The following WWOX variants were observed in gnomAD, a reference collection of about 807,000 sequenced individuals.
WWOX encodes the protein WW domain-containing oxidoreductase.
A neutral mutation model predicts 46.2 loss-of-function variants in WWOX; 69 were observed. That is an observed-to-expected ratio of 1.49 (90% CI 1.23 to 1.82). The LOEUF is 1.82. WWOX is among the 40% of genes most tolerant of loss of function. The probability of loss-of-function intolerance (pLI) is 0.00; values close to 1 mark genes in which losing one functional copy is unlikely to be tolerated. For missense variants in WWOX, 919 were observed against 542.6 expected, an observed-to-expected ratio of 1.69 and a Z score of -6.89; for synonymous variants, 359 against 202.6, an observed-to-expected ratio of 1.77 and a Z score of -6.56.
chr16:78,452,878 T>TATATATATATATATATATATATAC lies in WWOX; in HGVS notation c.1056+20129_1056+20130insTATATATATATATATATATACATA, dbSNP rs752791786. 6.0e-3 allele frequency among the ~76,000 whole-genome samples: 861 copies of TATATATATATATATATATATATAC among 142,914 alleles called. 10 individuals are homozygous for TATATATATATATATATATATATAC. The highest frequency in any genetic ancestry group is 0.012 in the African/African-American group (412 of 34,068). The allele number at this position is 142,914 out of a possible 152,430, so 93.8% of individuals were successfully genotyped here. On this transcript the variant is annotated intron_variant, in intron 8 of 8. Coordinates refer to ENST00000566780, the MANE Select transcript of WWOX (RefSeq NM_016373.4). ...TTCCAGTGAGCTATTTATATATATA[T>TATATATATATATATATATATATAC]ATACATATTTTTGAGAGGGAATCTT...
At chr16:78,212,134 C>T (rs547595776) in intron 5 of WWOX, among the ~76,000 whole-genome samples, 10 of 152,294 alleles carry the variant, frequency 6.6e-5, no homozygotes, top group African/African-American at 2.2e-4. Flanking sequence ...AGCCTCATTC[C>T]AGAGGCTAGC....
At chr16:78,466,232 C>T (rs542282203) in intron 8 of WWOX, among the ~76,000 whole-genome samples, 9 of 151,944 alleles carry the variant, frequency 5.9e-5, no homozygotes, top group Admixed American at 1.3e-4. Flanking sequence ...GGGGTTTCAT[C>T]GTGTTACCCA....
At chr16:78,594,735 C>T (rs2045444723) in intron 8 of WWOX, among the ~76,000 whole-genome samples, 1 of 152,066 alleles carries the variant, frequency 6.6e-6, no homozygotes, top group African/African-American at 2.4e-5. Context: ...CATAGGCTAC[C>T]TCCAACTTGA....
At chr16:78,883,444 C>G (rs1280997662) in intron 8 of WWOX, among the ~76,000 whole-genome samples, 1 of 152,172 alleles carries the variant, frequency 6.6e-6, no homozygotes, top group Non-Finnish European at 1.5e-5. Context: ...ATACCATGGG[C>G]TGGGCATGGT....
chr16:78,324,239 T>G (rs139626179), intron 5 of WWOX, among the ~76,000 whole-genome samples: 1 of 152,226 alleles, frequency 6.6e-6, no homozygotes, highest in Non-Finnish European at 1.5e-5. Flanking sequence ...TTCCCTGGTC[T>G]TAGATACTGC....
chr16:78,488,581 G>A (rs943236749), intron 8 of WWOX, among the ~76,000 whole-genome samples: 8 of 152,272 alleles, frequency 5.3e-5, no homozygotes, highest in East Asian at 3.9e-4. Flanking sequence ...GGGTCCTCAG[G>A]TAGCTGACCC....
intron 8 of WWOX, among the ~76,000 whole-genome samples, chr16:78,621,592 C>CTTTTCTTTTTTTTTTTTTTTTTTTTT (rs2046184654): frequency 6.3e-5 from 2 of 31,512 alleles, no homozygotes; most frequent in Non-Finnish European, 1.2e-4. Flanking sequence ...TTGTTCTAAT[C>CTTTTCTTTTTTTTTTTTTTTTTTTTT]TTTTTTTTTT....
rs1224773796 is a variant in WWOX at position 78,575,095 on chromosome 16, A to T, written c.1056+142343A>T. 1.4e-3 allele frequency among the ~76,000 whole-genome samples: 83 copies of T among 61,152 alleles called. 1 individual carries two copies. Among genetic ancestry groups the T allele is most frequent in the African/African-American group, 4.0e-3 (75 of 18,606 alleles). 40.1% of individuals were successfully genotyped at this position (61,152 alleles called of 152,430 possible). ...TATATATATATATATATATATATAT[A>T]TTTAAAGCTGTCATGGAAAGCCTTA... On this transcript the variant is annotated intron_variant, in intron 8 of 8. Coordinates refer to ENST00000566780, the MANE Select transcript of WWOX (RefSeq NM_016373.4).
intron 8 of WWOX, among the ~76,000 whole-genome samples, chr16:78,494,350 TG>T (rs2084857695): frequency 6.6e-6 from 1 of 152,088 alleles, no homozygotes; most frequent in African/African-American, 2.4e-5. Context: ...GAGACGTGGG[TG>T]GGGACACAGA....
intron 8 of WWOX, among the ~76,000 whole-genome samples, chr16:79,129,151 G>A (rs1162384650): frequency 2.0e-5 from 3 of 151,936 alleles, no homozygotes; most frequent in African/African-American, 4.8e-5. Context: ...TATCTCAGTA[G>A]GCACTGTTCA....
intron 8 of WWOX, among the ~76,000 whole-genome samples, chr16:78,638,380 C>A (rs1160044930): frequency 6.6e-6 from 1 of 152,118 alleles, no homozygotes; most frequent in Non-Finnish European, 1.5e-5. Context: ...GTCCTTTCCC[C>A]CTCTGGCTGG....
rs2083252905 is a variant in WWOX, at chr16:78,432,652, A to T, written c.956A>T (p.Asn319Ile). ...CTCTCCCCACGCGGGGTCACGTCGAACGCAGTGCATCCTGGAAATATGATG... is the reference window on the plus strand; with the variant it reads ...CTCTCCCCACGCGGGGTCACGTCGATCGCAGTGCATCCTGGAAATATGATG... ...RRLSPRGVTS[N>I]AVHPGNMMYS... Residue 319 changes from asparagine to isoleucine, a missense_variant, in exon 8 of 9, where the codon AAC becomes ATC. Coordinates refer to ENST00000566780, the MANE Select transcript of WWOX (RefSeq NM_016373.4). 1.9e-6 allele frequency: 3 copies of T among 1,614,114 alleles called. No individual in the cohort carries two copies. The highest frequency in any genetic ancestry group is 2.7e-5 in the African/African-American group (2 of 74,942).
intron 8 of WWOX, among the ~76,000 whole-genome samples, chr16:79,163,889 A>AAAAAAT (rs2050539169): frequency 1.3e-5 from 2 of 151,408 alleles, no homozygotes; most frequent in Admixed American, 1.3e-4. Context: ...AATTGGAAAA[A>AAAAAAT]AAAAAAAAGG....
At chr16:78,184,748 G>A (rs2035642243) in intron 5 of WWOX, among the ~76,000 whole-genome samples, 1 of 152,108 alleles carries the variant, frequency 6.6e-6, no homozygotes, top group African/African-American at 2.4e-5. Flanking sequence ...AGCAAGTCTG[G>A]GTTATATAGC....
At chr16:78,548,960 C>G (rs955462803) in intron 8 of WWOX, among the ~76,000 whole-genome samples, 1 of 152,208 alleles carries the variant, frequency 6.6e-6, no homozygotes, top group South Asian at 2.1e-4. Context: ...TAGCCCCAAA[C>G]TGGCATTTCC....
chr16:78,647,653 C>T (rs2142133585), intron 8 of WWOX, among the ~76,000 whole-genome samples: 1 of 152,302 alleles, frequency 6.6e-6, no homozygotes, highest in South Asian at 2.1e-4. Flanking sequence ...TGCTGACAGG[C>T]ACATCAACAT....
chr16:78,385,965 C>T (rs371962038), intron 5 of WWOX, among the ~76,000 whole-genome samples: 75 of 152,282 alleles, frequency 4.9e-4, no homozygotes, highest in African/African-American at 1.6e-3. Flanking sequence ...AGGGGCAACC[C>T]GGAGATTTGT....
At chr16:78,132,062 T>C (rs986844305) in intron 4 of WWOX, among the ~76,000 whole-genome samples, 9 of 149,928 alleles carry the variant, frequency 6.0e-5, no homozygotes, top group African/African-American at 2.2e-4. Context: ...TCTCACTCTG[T>C]CGCCCAGGCT....
intron 8 of WWOX, among the ~76,000 whole-genome samples, chr16:79,054,065 T>A (rs1567517704): frequency 6.6e-6 from 1 of 152,114 alleles, no homozygotes; most frequent in Non-Finnish European, 1.5e-5. Flanking sequence ...TGATACCTGC[T>A]CTCTGAGCCA....
Sources: gnomAD v4.1 joint callset for allele counts (sites outside exome capture counted in the v4.1 genomes callset) on GRCh38, gnomAD v4.1.1 for gene constraint, MANE v1.5 for transcripts, NCBI Gene and HGNC (gene_info 2026-07-23, HGNC 2026-07-21) for gene names.